CTNNBL1: variants seen among roughly 807,000 people sequenced by gnomAD.
CTNNBL1 encodes beta-catenin-like protein 1.
In CTNNBL1, 31 loss-of-function variants were observed where a neutral mutation model predicts 72.7. That is an observed-to-expected ratio of 0.43 (90% CI 0.32 to 0.58). The LOEUF (loss-of-function observed/expected upper bound fraction) is 0.58, where lower values mean the gene tolerates loss of function less well. Among genes scored for constraint, CTNNBL1 ranks in the 20% least tolerant of loss-of-function variants. The probability of loss-of-function intolerance (pLI) is 0.08; values close to 1 mark genes in which losing one functional copy is unlikely to be tolerated. For synonymous variants in CTNNBL1, 240 were observed against 267.3 expected, an observed-to-expected ratio of 0.90 and a Z score of 1.00; for missense variants, 534 against 725.1, an observed-to-expected ratio of 0.74 and a Z score of 3.03.
At chr20:37,840,421 A>G (rs939101698) in intron 12 of CTNNBL1, among the ~76,000 whole-genome samples, 1 of 152,200 alleles carries the variant, frequency 6.6e-6, no homozygotes, top group Non-Finnish European at 1.5e-5. Flanking sequence ...TGATACCACT[A>G]GTACTTGAGG....
At chr20:37,772,137 T>C (rs957867503) in intron 7 of CTNNBL1, among the ~76,000 whole-genome samples, 11 of 152,190 alleles carry the variant, frequency 7.2e-5, no homozygotes, top group African/African-American at 2.7e-4. Flanking sequence ...TGTGTGCTGA[T>C]TTTCTTTCTC....
intron 3 of CTNNBL1, among the ~76,000 whole-genome samples, chr20:37,738,827 T>G (rs2073190886): frequency 6.6e-6 from 1 of 152,144 alleles, no homozygotes; most frequent in African/African-American, 2.4e-5. Context: ...CCAGGCAATA[T>G]GAGGAGCATG....
At chr20:37,830,162 C>A (rs2072195512) in intron 11 of CTNNBL1, among the ~76,000 whole-genome samples, 1 of 151,832 alleles carries the variant, frequency 6.6e-6, no homozygotes, top group Non-Finnish European at 1.5e-5. Context: ...TTTATTGAGA[C>A]TGACATGTGA....
At chr20:37,762,528 C>G (rs982694550) in intron 5 of CTNNBL1, among the ~76,000 whole-genome samples, 1 of 152,152 alleles carries the variant, frequency 6.6e-6, no homozygotes, top group Non-Finnish European at 1.5e-5. Context: ...AATGACTTAG[C>G]AGAAAACATC....
intron 1 of CTNNBL1, among the ~76,000 whole-genome samples, chr20:37,714,948 G>T (rs1253263770): frequency 1.3e-5 from 2 of 152,152 alleles, no homozygotes; most frequent in East Asian, 1.9e-4. Flanking sequence ...CAAACCCAGA[G>T]ATTTTGACTA....
chr20:37,805,396 GTTTTTTTTTTTCCTTT>G (rs2071947618), intron 11 of CTNNBL1, among the ~76,000 whole-genome samples: 1 of 132,112 alleles, frequency 7.6e-6, no homozygotes, highest in African/African-American at 2.8e-5. Context: ...TTTGTTTTTT[GTTTTTTTTTTTCCTTT>G]TTTTTTTTTT....
intron 7 of CTNNBL1, among the ~76,000 whole-genome samples, chr20:37,776,395 G>A (rs548831354): frequency 3.9e-5 from 6 of 152,200 alleles, no homozygotes; most frequent in Admixed American, 6.5e-5. Context: ...GTAAGGTGAC[G>A]GAAGTGTTAG....
intron 11 of CTNNBL1, among the ~76,000 whole-genome samples, chr20:37,832,939 G>C (rs542139224): frequency 2.7e-4 from 41 of 152,282 alleles, no homozygotes; most frequent in African/African-American, 9.9e-4. Flanking sequence ...ACTAGATCAA[G>C]CGTTCTTAAC....
rs558111334 is a variant in CTNNBL1 at position 37,775,134 on chromosome 20, AT to A, written c.751-2208del. ...GTTATGTCCAAACCATTTAATATAT[AT>A]TTATGTCCTTACAATTTATTAGCCA... On this transcript the variant is annotated intron_variant, in intron 7 of 15. Transcript: ENST00000361383. Among the ~76,000 whole-genome samples, 17 of 152,294 alleles carry A rather than the reference AT, an allele frequency of 1.1e-4. No individual in the cohort carries two copies. The South Asian group carries it at 3.5e-3, about 32-fold the overall frequency.
At chr20:37,856,147 G>A (rs537997170) in intron 13 of CTNNBL1, among the ~76,000 whole-genome samples, 15 of 150,428 alleles carry the variant, frequency 1.0e-4, no homozygotes, top group African/African-American at 3.7e-4. Context: ...TGAGGCAGGA[G>A]AGTCGCTTGA....
intron 4 of CTNNBL1, among the ~76,000 whole-genome samples, chr20:37,748,075 C>G (rs1355006353): frequency 6.6e-6 from 1 of 152,154 alleles, no homozygotes; most frequent in Admixed American, 6.6e-5. Context: ...AGTAGTTGTT[C>G]TGTTTGAATC....
At chr20:37,848,734 C>T (rs1004911494) in intron 13 of CTNNBL1, among the ~76,000 whole-genome samples, 1 of 152,106 alleles carries the variant, frequency 6.6e-6, no homozygotes, top group African/African-American at 2.4e-5. Context: ...TGCAGTATGA[C>T]CTTGGGCACT....
intron 13 of CTNNBL1, among the ~76,000 whole-genome samples, chr20:37,842,811 G>A (rs765083580): frequency 1.9e-4 from 29 of 152,252 alleles, no homozygotes; most frequent in Non-Finnish European, 3.5e-4. Flanking sequence ...GGTGATCACA[G>A]CGTAGAGGAG....
chr20:37,834,096 T>A (rs1018859298), intron 11 of CTNNBL1, among the ~76,000 whole-genome samples: 2 of 152,166 alleles, frequency 1.3e-5, no homozygotes, highest in Non-Finnish European at 2.9e-5. Context: ...TATACCTTGC[T>A]CCAGACTGTG....
chr20:37,779,461 A>G (rs2122692082), intron 10 of CTNNBL1, 126 bp downstream of exon 10: 1 of 1,074,634 alleles, frequency 9.3e-7, no homozygotes, highest in Non-Finnish European at 1.4e-6. Flanking sequence ...CCTGAAGAGT[A>G]AAGTCTTCAG....
In CTNNBL1 at chr20:37,737,366, T is replaced by C. The variant is rs533034446; in HGVS notation, c.220-12T>C. On this transcript the variant is annotated splice_polypyrimidine_tract_variant and intron_variant, in intron 2 of 15. Transcript: ENST00000361383. ...GTGGACTGAAGTTTTTGCATTTGTC[T>C]CTTTGTACCAGGAGGAGCCATTGGA... 6.2e-7 allele frequency: 1 copy of C among 1,600,932 alleles called. No individual in the cohort carries two copies. The highest frequency in any genetic ancestry group is 1.1e-5 in the South Asian group (1 of 90,238).
chr20:37,851,296 A>G (rs545212431), intron 13 of CTNNBL1, among the ~76,000 whole-genome samples: 12 of 151,974 alleles, frequency 7.9e-5, no homozygotes, highest in Non-Finnish European at 1.5e-4. Context: ...AACAAAACAA[A>G]ACCTACCAGA....
chr20:37,848,042 T>C (rs1200479899), intron 13 of CTNNBL1, among the ~76,000 whole-genome samples: 1 of 151,830 alleles, frequency 6.6e-6, no homozygotes, highest in Non-Finnish European at 1.5e-5. Context: ...AGTGAAACTG[T>C]GCGGCTGCCA....
At chr20:37,739,252 G>A (rs940665186) in intron 3 of CTNNBL1, among the ~76,000 whole-genome samples, 4 of 152,124 alleles carry the variant, frequency 2.6e-5, no homozygotes, top group African/African-American at 9.7e-5. Context: ...CTTGTGAACA[G>A]TTAATTATGC....
Sources: gnomAD v4.1 joint callset for allele counts (sites outside exome capture counted in the v4.1 genomes callset) on GRCh38, gnomAD v4.1.1 for gene constraint, MANE v1.5 for transcripts, NCBI Gene and HGNC (gene_info 2026-07-23, HGNC 2026-07-21) for gene names.